Variants in ANKH observed in about 807,000 individuals in gnomAD.
ANKH encodes the protein ANKH inorganic pyrophosphate transport regulator, also known as mineralization regulator ANKH.
In ANKH, 15 loss-of-function variants were observed where a neutral mutation model predicts 49.0. The observed-to-expected ratio is 0.31, with a 90% CI of 0.20 to 0.47. The LOEUF is 0.47. Among genes scored for constraint, ANKH ranks in the 20% least tolerant of loss-of-function variants. The pLI, the probability that ANKH is intolerant of heterozygous loss-of-function variation, is 1.00. For missense variants in ANKH, 429 were observed against 652.0 expected (o/e 0.66, Z 3.72); for synonymous variants, 273 against 260.0 (o/e 1.05, Z -0.48).
At chr5:14,721,275 T>A (rs1290576199) in intron 8 of ANKH, among the ~76,000 whole-genome samples, 1 of 152,214 alleles carries the variant, frequency 6.6e-6, no homozygotes, top group African/African-American at 2.4e-5. Flanking sequence ...ACTCTGTTTT[T>A]TATCTTGGTC....
At chr5:14,816,530 G>A (rs1741043851) in intron 1 of ANKH, among the ~76,000 whole-genome samples, 1 of 152,122 alleles carries the variant, frequency 6.6e-6, no homozygotes, top group Admixed American at 6.5e-5. Context: ...ACTCAGAAGG[G>A]AAAATAAATC....
At chr5:14,856,898 T>A (rs1735281444) in intron 1 of ANKH, among the ~76,000 whole-genome samples, 1 of 152,084 alleles carries the variant, frequency 6.6e-6, no homozygotes, top group Non-Finnish European at 1.5e-5. Flanking sequence ...GCATGCCCCA[T>A]ACCTAGGGTC....
In ANKH at chr5:14,707,215, C is replaced by T. The variant is rs1346191176; in HGVS notation, c.*3982G>A. 1 of 151,950 alleles carries T rather than the reference C, an allele frequency of 6.6e-6. No individual in the cohort carries two copies. Among genetic ancestry groups the T allele is most frequent in the Non-Finnish European group, 1.5e-5 (1 of 68,004 alleles). 9.4% of individuals were successfully genotyped at this position (151,950 alleles called of 1,614,324 possible). Reference sequence around the variant, plus strand: ...GATTTTTAAATACAAGAAAATATTTCTCAAGGAAATGTAATTACAACACTA... The same window carrying T: ...GATTTTTAAATACAAGAAAATATTTTTCAAGGAAATGTAATTACAACACTA... On this transcript the variant is annotated 3_prime_UTR_variant, in exon 12 of 12. Coordinates refer to ENST00000284268, the MANE Select transcript of ANKH (RefSeq NM_054027.6).
At chr5:14,798,882 G>A (rs1740476178) in intron 1 of ANKH, among the ~76,000 whole-genome samples, 1 of 152,196 alleles carries the variant, frequency 6.6e-6, no homozygotes, top group Admixed American at 6.5e-5. Context: ...AACTATTCAA[G>A]TGAAAGGAAC....
rs1174628932 is a variant in ANKH at position 14,871,467 on chromosome 5, C to A, written c.-20G>T. 1.2e-6 allele frequency: 2 copies of A among 1,602,026 alleles called. No individual in the cohort carries two copies. The highest frequency in any genetic ancestry group is 1.7e-6 in the Non-Finnish European group (2 of 1,171,076). ...CACCATAGTCCCCGCCGTGGGCTGA[C>A]CCCACACACATCTGCTGCCGCGAGG... On this transcript the variant is annotated 5_prime_UTR_variant, in exon 1 of 12. Transcript: ENST00000284268.
intron 8 of ANKH, 109 bp from the exon 9 acceptor site, chr5:14,716,944 G>T (rs985187845): frequency 3.5e-6 from 5 of 1,410,000 alleles, no homozygotes; most frequent in African/African-American, 1.4e-5. Context: ...GGGACAACCG[G>T]CCTGACTGGG....
intron 8 of ANKH, among the ~76,000 whole-genome samples, chr5:14,738,728 G>A (rs1738262408): frequency 1.3e-5 from 2 of 151,292 alleles, no homozygotes; most frequent in African/African-American, 4.9e-5. Context: ...AACATAGTGA[G>A]ACCCCTTCTA....
intron 1 of ANKH, among the ~76,000 whole-genome samples, chr5:14,833,314 C>T (rs1445310117): frequency 6.6e-6 from 1 of 152,180 alleles, no homozygotes; most frequent in African/African-American, 2.4e-5. Context: ...TCTTGATATT[C>T]CAACACGCCT....
In ANKH at chr5:14,845,679, A is replaced by C. The variant is rs529425392; in HGVS notation, c.96+25673T>G. Among the ~76,000 whole-genome samples the C allele has an allele frequency of 3.0e-4, 46 of 151,584 alleles. No individual in the cohort carries two copies. In the South Asian group the frequency reaches 9.2e-3, roughly 30 times the overall value. ...AGGGTGCTAGGCGGTGCCTAATTTG[A>C]CTCTCTCCACCTTGGGCTCTGTGGG... On this transcript the variant is annotated intron_variant, in intron 1 of 11. Coordinates refer to ENST00000284268, the MANE Select transcript of ANKH (RefSeq NM_054027.6).
chr5:14,731,519 CA>C (rs1738002088), intron 8 of ANKH, among the ~76,000 whole-genome samples: 1 of 152,154 alleles, frequency 6.6e-6, no homozygotes, highest in African/African-American at 2.4e-5. Context: ...AGGGTCACCT[CA>C]AAACTAGCCA....
chr5:14,871,234 G>T, intron 1 of ANKH, 118 bp downstream of exon 1: 1 of 888,574 alleles, frequency 1.1e-6, no homozygotes. Context: ...CTGCACACCC[G>T]ACCAAATGTT....
chr5:14,825,618 G>A (rs988941827), intron 1 of ANKH, among the ~76,000 whole-genome samples: 2 of 152,170 alleles, frequency 1.3e-5, no homozygotes, highest in East Asian at 1.9e-4. Context: ...CTCTCAAAGT[G>A]CTGGGATTTA....
At chr5:14,856,876 ACT>A (rs1328339194) in intron 1 of ANKH, among the ~76,000 whole-genome samples, 8 of 151,592 alleles carry the variant, frequency 5.3e-5, no homozygotes, top group African/African-American at 1.5e-4. Context: ...GGGGAAGGTG[ACT>A]CTCCACAGTG....
intron 1 of ANKH, among the ~76,000 whole-genome samples, chr5:14,790,603 A>G (rs1049389749): frequency 1.3e-5 from 2 of 152,150 alleles, no homozygotes; most frequent in Non-Finnish European, 2.9e-5. Flanking sequence ...GCTCCGTGGA[A>G]ACCTAAAATT....
At chr5:14,763,666 G>A (rs1218198653) in intron 2 of ANKH, among the ~76,000 whole-genome samples, 1 of 152,226 alleles carries the variant, frequency 6.6e-6, no homozygotes, top group African/African-American at 2.4e-5. Flanking sequence ...TTGGTGGAGT[G>A]GGGTTCAGAA....
intron 1 of ANKH, among the ~76,000 whole-genome samples, chr5:14,791,214 C>T (rs1056228883): frequency 3.9e-5 from 6 of 152,114 alleles, no homozygotes; most frequent in African/African-American, 4.8e-5. Context: ...TAGGCCCCTT[C>T]GGGTGCCTGG....
At chr5:14,720,410 G>C (rs1293908479) in intron 8 of ANKH, among the ~76,000 whole-genome samples, 3 of 152,156 alleles carry the variant, frequency 2.0e-5, no homozygotes, top group Non-Finnish European at 4.4e-5. Context: ...GCCTACAAGG[G>C]TGAGACATCG....
chr5:14,804,873 G>A lies in ANKH; in HGVS notation c.97-35682C>T, dbSNP rs191287985. Among the ~76,000 whole-genome samples the A allele has an allele frequency of 1.8e-3, 279 of 152,300 alleles. 1 individual carries two copies. Among genetic ancestry groups the A allele is most frequent in the Non-Finnish European group, 1.9e-3 (127 of 68,022 alleles). On this transcript the variant is annotated intron_variant, in intron 1 of 11. Coordinates refer to ENST00000284268, the MANE Select transcript of ANKH (RefSeq NM_054027.6). ...GGGATATTAGAGTAATCACTGGGAC[G>A]TCTTGTGTGAGTCTGATGGCCTCTA...
Position 14,758,603 on chromosome 5 carries a change from A to G in ANKH, c.314-5T>C, listed in dbSNP as rs780440670. On this transcript the variant is annotated splice_polypyrimidine_tract_variant and splice_region_variant and intron_variant, in intron 2 of 11. Coordinates refer to ENST00000284268, the MANE Select transcript of ANKH (RefSeq NM_054027.6). ...AGTATCCTAAATCACTATAAGCTGCAAAGTGTCGAAAGGCATATGTGGAAA... is the reference window on the plus strand; with the variant it reads ...AGTATCCTAAATCACTATAAGCTGCGAAGTGTCGAAAGGCATATGTGGAAA... 1.0e-5 allele frequency: 16 copies of G among 1,542,176 alleles called. No homozygotes were observed. The East Asian group carries it at 3.6e-4, about 35-fold the overall frequency.
Sources: gnomAD v4.1 joint callset for allele counts (sites outside exome capture counted in the v4.1 genomes callset) on GRCh38, gnomAD v4.1.1 for gene constraint, MANE v1.5 for transcripts, NCBI Gene and HGNC (gene_info 2026-07-23, HGNC 2026-07-21) for gene names.